PTPRT: variants seen among roughly 807,000 people sequenced by gnomAD.
The protein encoded by PTPRT is protein tyrosine phosphatase receptor type T.
Under a neutral mutation model 176.8 loss-of-function variants are expected in PTPRT, and 56 were observed. The ratio of observed to expected loss-of-function variants is 0.32; its 90% CI spans 0.26 to 0.40. PTPRT has a LOEUF of 0.40. Among genes scored for constraint, PTPRT ranks in the 10% least tolerant of loss-of-function variants. PTPRT has a pLI of 1.00. For synonymous variants in PTPRT, 783 were observed against 739.0 expected, an observed-to-expected ratio of 1.06 and a Z score of -0.96; for missense variants, 1,540 against 1,908.2, an observed-to-expected ratio of 0.81 and a Z score of 3.60.
intron 6 of PTPRT, among the ~76,000 whole-genome samples, chr20:42,706,660 A>G (rs1266838736): frequency 6.6e-6 from 1 of 152,048 alleles, no homozygotes; most frequent in African/African-American, 2.4e-5. Context: ...CATTCTAGGG[A>G]CTCCCTAGAT....
intron 5 of PTPRT, among the ~76,000 whole-genome samples, chr20:42,767,572 G>A (rs2077000244): frequency 6.6e-6 from 1 of 151,112 alleles, no homozygotes; most frequent in Non-Finnish European, 1.5e-5. Flanking sequence ...TATATGGAAG[G>A]AAAAGACTTA....
chr20:42,454,131 T>C (rs927984730), intron 8 of PTPRT, among the ~76,000 whole-genome samples: 3 of 152,178 alleles, frequency 2.0e-5, no homozygotes, highest in Admixed American at 6.5e-5. Flanking sequence ...TTCTATTATA[T>C]GATTTGCGTT....
At chr20:42,623,257 T>C (rs577688558) in intron 7 of PTPRT, among the ~76,000 whole-genome samples, 121 of 152,190 alleles carry the variant, frequency 8.0e-4, no homozygotes, top group Non-Finnish European at 1.5e-3. Flanking sequence ...GAGCATGCTG[T>C]AACATGCCCG....
At chr20:43,167,723 G>GTGGC (rs1198037794) in intron 1 of PTPRT, among the ~76,000 whole-genome samples, 2 of 152,216 alleles carry the variant, frequency 1.3e-5, no homozygotes, top group Non-Finnish European at 2.9e-5. Context: ...ACATATGTTA[G>GTGGC]AAAGGTCCAT....
chr20:42,712,918 C>T (rs187776339), intron 6 of PTPRT, among the ~76,000 whole-genome samples: 6 of 152,114 alleles, frequency 3.9e-5, no homozygotes, highest in East Asian at 1.9e-4. Context: ...AATGATGGTG[C>T]GTGCATACAA....
At chr20:42,323,231 A>G (rs1207587967) in intron 11 of PTPRT, among the ~76,000 whole-genome samples, 2 of 152,178 alleles carry the variant, frequency 1.3e-5, no homozygotes, top group Non-Finnish European at 2.9e-5. Flanking sequence ...AACTAGAAAT[A>G]CCATTTGACC....
intron 1 of PTPRT, among the ~76,000 whole-genome samples, chr20:43,146,041 TTGATGAGAAA>T (rs1401836458): frequency 6.6e-6 from 1 of 152,208 alleles, no homozygotes; most frequent in Non-Finnish European, 1.5e-5. Flanking sequence ...TTGAGAGTTT[TTGATGAGAAA>T]TGAAGTCGTG....
intron 7 of PTPRT, among the ~76,000 whole-genome samples, chr20:42,612,814 A>T (rs1272579138): frequency 2.0e-5 from 3 of 152,132 alleles, no homozygotes; most frequent in Non-Finnish European, 1.5e-5. Context: ...ACAATCGATT[A>T]AATAAATTAT....
chr20:42,121,796 A>G (rs1987606908), intron 19 of PTPRT, among the ~76,000 whole-genome samples: 1 of 151,422 alleles, frequency 6.6e-6, no homozygotes, highest in South Asian at 2.1e-4. Flanking sequence ...GTATATACAT[A>G]TATATGTGTA....
At chr20:42,882,713 G>A (rs2079027576) in intron 2 of PTPRT, among the ~76,000 whole-genome samples, 1 of 152,182 alleles carries the variant, frequency 6.6e-6, no homozygotes, top group African/African-American at 2.4e-5. Context: ...TGAAGATAAA[G>A]TTATGAACAA....
At position 43,189,900 on chromosome 20, in the gene PTPRT, G is replaced by A; in HGVS notation, c.-167C>T. On this transcript the variant is annotated 5_prime_UTR_variant, in exon 1 of 31. Coordinates refer to ENST00000373187, the MANE Select transcript of PTPRT (RefSeq NM_007050.6). This position sits in a 1 kb window ranked among gnomAD's most constrained non-coding sequence, Gnocchi z 5.0. Reference sequence around the variant, plus strand: ...CCTGCGTTCCAAGCCGAGGCGCGGCGCGAACTGAGGCGGGAGGCTGGGCGG... The same window carrying A: ...CCTGCGTTCCAAGCCGAGGCGCGGCACGAACTGAGGCGGGAGGCTGGGCGG... 6.4e-6 allele frequency: 1 copy of A among 157,068 alleles called. No individual in the cohort carries two copies. The highest frequency in any genetic ancestry group is 1.3e-5 in the Non-Finnish European group (1 of 75,688). 9.7% of individuals were successfully genotyped at this position (157,068 alleles called of 1,614,324 possible).
chr20:42,154,420 T>C (rs1416979390), intron 17 of PTPRT, among the ~76,000 whole-genome samples: 1 of 152,176 alleles, frequency 6.6e-6, no homozygotes, highest in African/African-American at 2.4e-5. Context: ...CACAGATGAC[T>C]AAGAACAAGA....
intron 15 of PTPRT, 117 bp from the exon 16 acceptor site, chr20:42,199,505 TC>T (rs1991365033): frequency 8.3e-7 from 1 of 1,204,762 alleles, no homozygotes; most frequent in Non-Finnish European, 1.2e-6. Flanking sequence ...TGGTTCATTC[TC>T]CAGAAAAAGA....
At chr20:42,874,629 C>G (rs6130240) in intron 2 of PTPRT, among the ~76,000 whole-genome samples, 1 of 152,128 alleles carries the variant, frequency 6.6e-6, no homozygotes, top group Non-Finnish European at 1.5e-5. Flanking sequence ...TCCAGACGGC[C>G]TGAATTCAAA....
intron 7 of PTPRT, among the ~76,000 whole-genome samples, chr20:42,522,994 A>G (rs766467411): frequency 4.6e-5 from 7 of 152,086 alleles, no homozygotes; most frequent in Non-Finnish European, 8.8e-5. Context: ...GTGCTACTCA[A>G]TTTAGATCCT....
At chr20:43,124,713 T>G (rs1413015659) in intron 1 of PTPRT, among the ~76,000 whole-genome samples, 1 of 152,122 alleles carries the variant, frequency 6.6e-6, no homozygotes, top group Non-Finnish European at 1.5e-5. Flanking sequence ...CCTTTCTACA[T>G]CCGTGTAGAA....
At chr20:42,389,801 G>A (rs2058782046) in intron 9 of PTPRT, among the ~76,000 whole-genome samples, 2 of 148,942 alleles carry the variant, frequency 1.3e-5, no homozygotes, top group African/African-American at 5.0e-5. Flanking sequence ...GCTGAAGTGA[G>A]CCATGATTAC....
chr20:43,141,193 T>C (rs1378169919), intron 1 of PTPRT, among the ~76,000 whole-genome samples: 14 of 152,256 alleles, frequency 9.2e-5, no homozygotes, highest in Admixed American at 9.2e-4. Flanking sequence ...CAGTTAGCTC[T>C]GGCTGTATAA....
At chr20:42,286,907 A>AAAAG (rs2057238999) in intron 12 of PTPRT, among the ~76,000 whole-genome samples, 1 of 151,842 alleles carries the variant, frequency 6.6e-6, no homozygotes, top group African/African-American at 2.4e-5. Flanking sequence ...AGCAAATAAA[A>AAAAG]ATCCAACTAA....
Sources: gnomAD v4.1 joint callset for allele counts (sites outside exome capture counted in the v4.1 genomes callset) on GRCh38, gnomAD v4.1.1 for gene constraint, Gnocchi (gnomAD v3.1) non-coding constraint, MANE v1.5 for transcripts, NCBI Gene and HGNC (gene_info 2026-07-23, HGNC 2026-07-21) for gene names.